Variants in DENND4A observed in about 807,000 individuals in gnomAD.
DENND4A encodes DENN domain containing 4A.
DENND4A carries 70 observed loss-of-function variants against 199.3 expected under a neutral mutation model. That is an observed-to-expected ratio of 0.35 (90% confidence interval 0.29 to 0.43). DENND4A has a LOEUF of 0.43. Ranked by LOEUF, DENND4A falls within the 20% of genes least tolerant of loss-of-function variation. DENND4A has a pLI of 1.00. For missense variants in DENND4A, 1,723 were observed against 2,255.8 expected (o/e 0.76, Z 4.78); for synonymous variants, 686 against 766.9 (o/e 0.89, Z 1.74).
In DENND4A at chr15:65,667,632, C is replaced by T. The variant is rs1442760805; in HGVS notation, c.5058G>A (p.Val1686=). ...ATAAGCTTTCAAGTTCTTTCCATACCACTAAAGGACTAAGATACGGAACAG... is the reference window on the plus strand; with the variant it reads ...ATAAGCTTTCAAGTTCTTTCCATACTACTAAAGGACTAAGATACGGAACAG... The part of the protein sequence containing the change: ...PVTVPYLSPL[V]VWKELESLLE... The change falls in exon 29 of 33, where the codon GTG becomes GTA. Residue 1686 remains valine, a synonymous_variant. Coordinates refer to ENST00000443035, the MANE Select transcript of DENND4A (RefSeq NM_001320835.1). The T allele has an allele frequency of 6.2e-7, 1 of 1,613,916 alleles. No homozygotes were observed. Among genetic ancestry groups the T allele is most frequent in the East Asian group, 2.2e-5 (1 of 44,872 alleles).
chr15:65,727,809 C>T (rs2075847507), intron 11 of DENND4A: 1 of 393,940 alleles, frequency 2.5e-6, no homozygotes, highest in Non-Finnish European at 4.9e-6. Context: ...ATAAGGGACA[C>T]AAAACAATAC....
At chr15:65,775,665 C>T (rs984044762) in intron 1 of DENND4A, among the ~76,000 whole-genome samples, 1 of 87,368 alleles carries the variant, frequency 1.1e-5, no homozygotes, top group Admixed American at 1.1e-4. Flanking sequence ...AAAAAAAAAG[C>T]AATAAAGGAA....
chr15:65,711,368 C>A (rs958309271), intron 14 of DENND4A, among the ~76,000 whole-genome samples: 1 of 152,132 alleles, frequency 6.6e-6, no homozygotes, highest in African/African-American at 2.4e-5. Context: ...ATGGCATATG[C>A]CTGTGGTCCC....
chr15:65,704,653 C>A (rs1340810462), intron 15 of DENND4A, among the ~76,000 whole-genome samples: 2 of 152,262 alleles, frequency 1.3e-5, no homozygotes, highest in Non-Finnish European at 2.9e-5. Flanking sequence ...TGCAGTGGCA[C>A]GATCTCGGCT....
intron 2 of DENND4A, 122 bp downstream of exon 2, chr15:65,761,238 A>C (rs928042081): frequency 1.4e-4 from 22 of 152,196 alleles, no homozygotes; most frequent in African/African-American, 3.4e-4. Context: ...TGTTACCCAT[A>C]ATTATTACAT....
rs1480179213 is a variant in DENND4A, at chr15:65,682,444, TTTCTCAGCC to T, written c.4180-5819_4180-5811del. Among the ~76,000 whole-genome samples the T allele has an allele frequency of 2.0e-5, 3 of 152,368 alleles. No homozygotes were observed. In the East Asian group the frequency reaches 5.8e-4, roughly 29 times the overall value. On this transcript the variant is annotated intron_variant, in intron 23 of 32. Coordinates refer to ENST00000443035, the MANE Select transcript of DENND4A (RefSeq NM_001320835.1). ...ACTTTTCTTCTGCAGCTTCCTCAGC[TTTCTCAGCC>T]TTCATAAAACTGAAGAGAGTTAGTT...
chr15:65,749,078 G>A (rs2076492375), intron 4 of DENND4A, among the ~76,000 whole-genome samples: 1 of 151,444 alleles, frequency 6.6e-6, no homozygotes, highest in African/African-American at 2.4e-5. Context: ...CCCAATTGTT[G>A]ACAAAATTAT....
chr15:65,702,943 T>C lies in DENND4A; in HGVS notation c.2153A>G (p.Lys718Arg). The C allele has an allele frequency of 6.2e-7, 1 of 1,613,342 alleles. No individual in the cohort carries two copies. The highest frequency in any genetic ancestry group is 8.5e-7 in the Non-Finnish European group (1 of 1,179,526). ...TGATTTTGAAGGCAATTTGTTCTTC[T>C]TTGCTTGTAGAAATCCTTCAGGTCT... ...FERPEGFLQA[K>R]KNKLPSKSSS... The change falls in exon 16 of 33, where the codon AAG becomes AGG. Residue 718 changes from lysine (K) to arginine (R), a missense_variant. Lys to Arg is a conservative substitution (Grantham distance 26). Coordinates refer to ENST00000443035, the MANE Select transcript of DENND4A (RefSeq NM_001320835.1).
At chr15:65,775,188 T>G (rs78824271) in intron 1 of DENND4A, among the ~76,000 whole-genome samples, 2 of 142,220 alleles carry the variant, frequency 1.4e-5, no homozygotes, top group African/African-American at 2.5e-5. Context: ...TACAAAAAAA[T>G]TTTTTTAATT....
intron 22 of DENND4A, 129 bp from the exon 23 acceptor site, chr15:65,691,640 A>G (rs2142077189): frequency 1.1e-6 from 1 of 934,016 alleles, no homozygotes; most frequent in East Asian, 2.7e-5. Context: ...TATTTGACAG[A>G]TACTATACTA....
intron 4 of DENND4A, among the ~76,000 whole-genome samples, chr15:65,745,485 A>T (rs2076363334): frequency 6.6e-6 from 1 of 152,232 alleles, no homozygotes; most frequent in African/African-American, 2.4e-5. Flanking sequence ...AATGAACATA[A>T]GCAACATTTA....
chr15:65,755,057 T>C (rs2076664705), intron 3 of DENND4A, among the ~76,000 whole-genome samples: 1 of 152,264 alleles, frequency 6.6e-6, no homozygotes, highest in Non-Finnish European at 1.5e-5. Context: ...TGATGGAATA[T>C]TATTCAGTCA....
chr15:65,749,642 TAATA>T (rs2076506486), intron 4 of DENND4A, among the ~76,000 whole-genome samples: 2 of 151,616 alleles, frequency 1.3e-5, no homozygotes, highest in African/African-American at 4.8e-5. Flanking sequence ...ATTTAATATT[TAATA>T]AATATATTAC....
chr15:65,730,390 A>G (rs966457190), intron 9 of DENND4A, among the ~76,000 whole-genome samples: 2 of 152,158 alleles, frequency 1.3e-5, no homozygotes, highest in Admixed American at 1.3e-4. Flanking sequence ...AGCAAAACTA[A>G]TAACAAAAGC....
At position 65,696,389 on chromosome 15, in the gene DENND4A, C is replaced by A. The variant is rs750510797; in HGVS notation, c.3059G>T (p.Gly1020Val). The change falls in exon 22 of 33, where the codon GGT becomes GTT. Residue 1020 changes from glycine to valine, a missense_variant. Transcript: ENST00000443035. Reference protein sequence around the residue: ...RLTGTSNNSAGKISGESMEST... With the variant: ...RLTGTSNNSAVKISGESMEST... ...ACCCATGCTTTCTCCTGATATTTTA[C>A]CAGCACTGTTGTTACTTGTACCAGT... 3.1e-6 allele frequency: 5 copies of A among 1,612,134 alleles called. No individual in the cohort carries two copies. Among genetic ancestry groups the A allele is most frequent in the Non-Finnish European group, 4.2e-6 (5 of 1,178,716 alleles).
chr15:65,756,830 G>GT (rs992646780), intron 2 of DENND4A, among the ~76,000 whole-genome samples: 8 of 152,126 alleles, frequency 5.3e-5, no homozygotes, highest in South Asian at 2.1e-4. Context: ...GAGGTCAGGA[G>GT]TTTGAGACCA....
intron 5 of DENND4A, among the ~76,000 whole-genome samples, chr15:65,740,905 T>G (rs2076243978): frequency 6.6e-6 from 1 of 152,026 alleles, no homozygotes; most frequent in African/African-American, 2.4e-5. Flanking sequence ...GAGGTTGCAG[T>G]GAGCTACAAT....
intron 2 of DENND4A, among the ~76,000 whole-genome samples, chr15:65,759,811 T>C (rs1391147952): frequency 6.6e-6 from 1 of 152,254 alleles, no homozygotes; most frequent in Non-Finnish European, 1.5e-5. Flanking sequence ...TAACTTTTTT[T>C]CTCCAGTTCA....
chr15:65,691,493 A>G lies in DENND4A; in HGVS notation c.3101T>C (p.Leu1034Pro). 6.2e-7 allele frequency: 1 copy of G among 1,607,372 alleles called. No individual in the cohort carries two copies. The highest frequency in any genetic ancestry group is 8.5e-7 in the Non-Finnish European group (1 of 1,176,488). The change falls in exon 23 of 33, where the codon CTC (leucine) becomes CCC (proline). Residue 1034 changes from leucine to proline, a missense_variant. Leu to Pro is a moderately conservative substitution (Grantham distance 98, BLOSUM62 -3). Coordinates refer to ENST00000443035, the MANE Select transcript of DENND4A (RefSeq NM_001320835.1). ...GESMESTPEL[L>P]LISSLEDTNE... ...TGTATCTTCAAGAGATGATATTAAG[A>G]GCAGCTCAGGTGTGCTTTCTGAAAA... is the stretch of plus-strand genomic sequence containing the variant.
Sources: allele counts gnomAD v4.1 joint callset (sites outside exome capture counted in the v4.1 genomes callset), GRCh38; gene constraint gnomAD v4.1.1; transcripts MANE v1.5; gene names NCBI Gene and HGNC (gene_info 2026-07-23, HGNC 2026-07-21).